Variants in PIBF1 observed in about 807,000 individuals in gnomAD.
PIBF1 encodes the protein progesterone-induced-blocking factor 1.
Under a neutral mutation model 112.5 loss-of-function variants are expected in PIBF1, and 90 were observed. The observed-to-expected ratio is 0.80, with a 90% CI of 0.67 to 0.95. The LOEUF is 0.95. Among genes scored for constraint, PIBF1 ranks in the 40% least tolerant of loss-of-function variants. The pLI is 0.00. For synonymous variants in PIBF1, 301 were observed against 288.6 expected, an observed-to-expected ratio of 1.04 and a Z score of -0.44; for missense variants, 915 against 852.3, an observed-to-expected ratio of 1.07 and a Z score of -0.92.
intron 12 of PIBF1, among the ~76,000 whole-genome samples, chr13:72,911,714 T>A (rs1353411010): frequency 2.6e-5 from 4 of 152,168 alleles, no homozygotes; most frequent in African/African-American, 4.8e-5. Context: ...CACAATTTTA[T>A]ATCTGACAAA....
chr13:72,818,061 AATAT>A (rs1458476922), intron 5 of PIBF1, among the ~76,000 whole-genome samples: 1 of 151,580 alleles, frequency 6.6e-6, no homozygotes, highest in Admixed American at 6.6e-5. Flanking sequence ...GAAATTTATA[AATAT>A]ATACATATAT....
At position 72,891,955 on chromosome 13, in the gene PIBF1, A is replaced by G. The variant is rs141664113; in HGVS notation, c.1323-1829A>G. ...AGAAGGCCACATATTATATGATTCCATTAATACGAAATGTTCAGAGTAAGC... is the reference window on the plus strand; with the variant it reads ...AGAAGGCCACATATTATATGATTCCGTTAATACGAAATGTTCAGAGTAAGC... On this transcript the variant is annotated intron_variant, in intron 10 of 17. Coordinates refer to ENST00000326291, the MANE Select transcript of PIBF1 (RefSeq NM_006346.4). 1.7e-3 allele frequency among the ~76,000 whole-genome samples: 264 copies of G among 152,276 alleles called. 1 individual carries two copies. Among genetic ancestry groups the G allele is most frequent in the African/African-American group, 5.8e-3 (240 of 41,586 alleles).
intron 16 of PIBF1, among the ~76,000 whole-genome samples, chr13:72,998,007 A>G (rs567836777): frequency 6.6e-6 from 1 of 152,304 alleles, no homozygotes; most frequent in East Asian, 1.9e-4. Context: ...TCAAAGGGCA[A>G]CTGAAGCCAA....
chr13:72,814,650 AAATG>A lies in PIBF1; in HGVS notation c.673-7197_673-7194del, dbSNP rs574350805. Among the ~76,000 whole-genome samples the A allele has an allele frequency of 2.6e-5, 4 of 152,120 alleles. No homozygotes were observed. In the South Asian group the frequency reaches 8.3e-4, roughly 32 times the overall value. ...AAGAAAAACTGAAATAAAACAATGA[AAATG>A]AGAACATTTTTATATCAAAATTCTT... On this transcript the variant is annotated intron_variant, in intron 5 of 17. Coordinates refer to ENST00000326291, the MANE Select transcript of PIBF1 (RefSeq NM_006346.4).
intron 9 of PIBF1, among the ~76,000 whole-genome samples, chr13:72,847,102 T>C (rs2138277464): frequency 6.6e-6 from 1 of 152,360 alleles, no homozygotes; most frequent in Admixed American, 6.5e-5. Context: ...ATGTTACCTT[T>C]TATCCTGTCA....
chr13:72,870,442 CTT>C (rs1594092867), intron 10 of PIBF1, among the ~76,000 whole-genome samples: 4 of 152,108 alleles, frequency 2.6e-5, no homozygotes, highest in African/African-American at 9.7e-5. Flanking sequence ...TCAGATTTCT[CTT>C]TGTTGGAGTA....
chr13:72,889,782 A>G (rs1416785528), intron 10 of PIBF1, among the ~76,000 whole-genome samples: 3 of 152,160 alleles, frequency 2.0e-5, no homozygotes, highest in Non-Finnish European at 4.4e-5. Flanking sequence ...CAAGTACCAT[A>G]TTCTGGCCCT....
intron 10 of PIBF1, among the ~76,000 whole-genome samples, chr13:72,890,540 G>T (rs1436532229): frequency 1.3e-5 from 2 of 152,116 alleles, no homozygotes; most frequent in Non-Finnish European, 2.9e-5. Context: ...AAGGACAAAT[G>T]GAGCCAAATT....
intron 6 of PIBF1, among the ~76,000 whole-genome samples, chr13:72,822,271 A>G (rs539164846): frequency 2.6e-5 from 4 of 152,246 alleles, no homozygotes; most frequent in East Asian, 3.9e-4. Flanking sequence ...ATTTTTATGT[A>G]GTGGAATCAA....
rs775161232 is a variant in PIBF1 at position 72,783,691 on chromosome 13, C to T, written c.222C>T (p.Ile74=). ...AGCTATCCCAGAAAACTATGATGAT[C>T]GACAATTTGAAAGTGGATTATCTTA... The part of the protein sequence containing the change: ...KIELSQKTMM[I]DNLKVDYLTK... Residue 74 remains isoleucine, a synonymous_variant, in exon 2 of 18, where the codon ATC becomes ATT. Transcript: ENST00000326291. 1.1e-5 allele frequency: 18 copies of T among 1,613,650 alleles called. No homozygotes were observed. The highest frequency in any genetic ancestry group is 3.3e-4 in the Middle Eastern group (2 of 6,058).
At chr13:72,814,765 G>A (rs1280483429) in intron 5 of PIBF1, among the ~76,000 whole-genome samples, 1 of 152,018 alleles carries the variant, frequency 6.6e-6, no homozygotes, top group Non-Finnish European at 1.5e-5. Flanking sequence ...ATAAATACAT[G>A]TAGTACTCAT....
intron 13 of PIBF1, among the ~76,000 whole-genome samples, chr13:72,927,221 A>G (rs1160872077): frequency 2.6e-5 from 4 of 152,026 alleles, no homozygotes; most frequent in African/African-American, 7.2e-5. Flanking sequence ...GATGTGTGCC[A>G]CTGTCCGGGC....
intron 10 of PIBF1, among the ~76,000 whole-genome samples, chr13:72,892,539 C>T (rs1438901256): frequency 2.6e-5 from 4 of 152,046 alleles, no homozygotes; most frequent in Admixed American, 1.3e-4. Context: ...GAAAGACTAT[C>T]GCTGTGAAGT....
intron 5 of PIBF1, among the ~76,000 whole-genome samples, chr13:72,821,278 T>A (rs1249787167): frequency 6.6e-6 from 1 of 152,164 alleles, no homozygotes; most frequent in Non-Finnish European, 1.5e-5. Context: ...TCTTCCCATA[T>A]CAGCAATGCC....
chr13:72,872,446 T>C (rs2039208622), intron 10 of PIBF1, among the ~76,000 whole-genome samples: 1 of 152,108 alleles, frequency 6.6e-6, no homozygotes, highest in Admixed American at 6.6e-5. Flanking sequence ...AGTTGACATA[T>C]AAGAATAAGG....
intron 5 of PIBF1, among the ~76,000 whole-genome samples, chr13:72,804,514 T>G (rs915763883): frequency 1.3e-5 from 2 of 152,164 alleles, no homozygotes; most frequent in African/African-American, 2.4e-5. Context: ...TTCCTTCCCA[T>G]TAGGTATAGG....
intron 16 of PIBF1, among the ~76,000 whole-genome samples, chr13:72,989,013 G>A (rs1410576033): frequency 6.6e-6 from 1 of 152,094 alleles, no homozygotes; most frequent in Non-Finnish European, 1.5e-5. Context: ...ACTCCAGCCT[G>A]GGTGACAGAG....
At chr13:72,887,095 T>C (rs993157724) in intron 10 of PIBF1, among the ~76,000 whole-genome samples, 6 of 151,390 alleles carry the variant, frequency 4.0e-5, no homozygotes, top group African/African-American at 1.5e-4. Context: ...ATTTTATATG[T>C]ACATTTTGAA....
chr13:72,851,371 G>T (rs2038146124), intron 9 of PIBF1, among the ~76,000 whole-genome samples: 1 of 152,240 alleles, frequency 6.6e-6, no homozygotes, highest in Admixed American at 6.5e-5. Flanking sequence ...TCAGAGCAAA[G>T]TTGAGGCCAA....
Sources: allele counts gnomAD v4.1 joint callset (sites outside exome capture counted in the v4.1 genomes callset), GRCh38; gene constraint gnomAD v4.1.1; transcripts MANE v1.5; gene names NCBI Gene and HGNC (gene_info 2026-07-23, HGNC 2026-07-21).